Variants in OR1J2 observed in about 807,000 individuals in gnomAD.
The protein encoded by OR1J2 is olfactory receptor family 1 subfamily J member 2.
For synonymous variants in OR1J2, 142 were observed against 99.7 expected, an observed-to-expected ratio of 1.42 and a Z score of -2.52; for missense variants, 304 against 246.1, an observed-to-expected ratio of 1.24 and a Z score of -1.57.
chr9:122,519,193 C>G, the OR1J2 span: 1 of 1,613,668 alleles, frequency 6.2e-7, no homozygotes, highest in Non-Finnish European at 8.5e-7. Context: ...CTGGACCTCC[C>G]CATCTGGCCA....
the OR1J2 span, among the ~76,000 whole-genome samples, chr9:122,576,609 A>G: frequency 6.6e-6 from 1 of 152,100 alleles, no homozygotes; most frequent in African/African-American, 2.4e-5. Context: ...AATACTGTAT[A>G]TATCTTCACT....
At chr9:122,467,638 A>G in the OR1J2 span, among the ~76,000 whole-genome samples, 1 of 152,232 alleles carries the variant, frequency 6.6e-6, no homozygotes, top group Non-Finnish European at 1.5e-5. Flanking sequence ...GCTTAATATT[A>G]AACAGCCACT....
At chr9:122,568,501 A>G in the OR1J2 span, 1 of 1,410,732 alleles carries the variant, frequency 7.1e-7, no homozygotes, top group Non-Finnish European at 9.7e-7. Context: ...GTTATAAACA[A>G]GAAGTTTTGT....
chr9:122,470,904 CA>C, the OR1J2 span, among the ~76,000 whole-genome samples: 1 of 152,212 alleles, frequency 6.6e-6, no homozygotes, highest in African/African-American at 2.4e-5. Context: ...CAATTTCCCC[CA>C]TTTGGAATGG....
the OR1J2 span, among the ~76,000 whole-genome samples, chr9:122,449,545 A>G: frequency 4.0e-5 from 6 of 151,574 alleles, no homozygotes; most frequent in African/African-American, 1.2e-4. Context: ...AATTTTTTGT[A>G]TTTTTAGTAG....
At chr9:122,479,476 C>A in the OR1J2 span, among the ~76,000 whole-genome samples, 1 of 152,184 alleles carries the variant, frequency 6.6e-6, no homozygotes, top group African/African-American at 2.4e-5. Flanking sequence ...TGAAATATAT[C>A]AAAGGTACTG....
chr9:122,524,498 T>A, the OR1J2 span, among the ~76,000 whole-genome samples: 1 of 152,210 alleles, frequency 6.6e-6, no homozygotes, highest in Non-Finnish European at 1.5e-5. Flanking sequence ...CGTTGATGAA[T>A]CTTTGTATGC....
Position 122,511,014 on chromosome 9 carries a change from C to G in OR1J2, c.213C>G (p.Ile71Met). Residue 71 changes from isoleucine (I) to methionine (M), a missense_variant, in exon 1 of 1, where the codon ATC (isoleucine) becomes ATG (methionine). Ile to Met is a conservative substitution (Grantham distance 10, BLOSUM62 1). Transcript: ENST00000335302. ...TCAGCCACTTGGCTCTCACTGACATCTCCTTTTCATCTGTCACTGTCCCTA... is the reference window on the plus strand; with the variant it reads ...TCAGCCACTTGGCTCTCACTGACATGTCCTTTTCATCTGTCACTGTCCCTA... ...FFLSHLALTDISFSSVTVPKM... is the reference protein window; with the variant it reads ...FFLSHLALTDMSFSSVTVPKM... 1 of 1,597,078 alleles carries G rather than the reference C, an allele frequency of 6.3e-7. No homozygotes were observed. Among genetic ancestry groups the G allele is most frequent in the Non-Finnish European group, 8.6e-7 (1 of 1,165,604 alleles).
chr9:122,551,157 A>C, the OR1J2 span, among the ~76,000 whole-genome samples: 51 of 152,332 alleles, frequency 3.3e-4, no homozygotes, highest in African/African-American at 9.6e-4. Flanking sequence ...TCCCATTTAC[A>C]ATAGCTACAA....
the OR1J2 span, among the ~76,000 whole-genome samples, chr9:122,505,022 A>G: frequency 6.6e-6 from 1 of 152,194 alleles, no homozygotes; most frequent in Admixed American, 6.5e-5. Flanking sequence ...TTTGCCTAGA[A>G]TGCTGTTGGA....
At chr9:122,458,958 T>C in the OR1J2 span, among the ~76,000 whole-genome samples, 10 of 152,186 alleles carry the variant, frequency 6.6e-5, no homozygotes, top group African/African-American at 2.2e-4. Context: ...CATGCTTTAA[T>C]TTATCTGTCT....
the OR1J2 span, among the ~76,000 whole-genome samples, chr9:122,455,480 G>A: frequency 2.0e-5 from 3 of 152,010 alleles, no homozygotes. Flanking sequence ...TGTGCTTGTT[G>A]GCCATTTACA....
At chr9:122,541,161 G>A in the OR1J2 span, among the ~76,000 whole-genome samples, 2 of 152,108 alleles carry the variant, frequency 1.3e-5, no homozygotes, top group Non-Finnish European at 2.9e-5. Flanking sequence ...TGACTCCTAC[G>A]GAAATCATGT....
chr9:122,566,172 T>G, the OR1J2 span, among the ~76,000 whole-genome samples: 2 of 152,254 alleles, frequency 1.3e-5, no homozygotes, highest in African/African-American at 4.8e-5. Context: ...TATCAAATTG[T>G]CTACTAAAGT....
chr9:122,482,700 CA>C, the OR1J2 span, among the ~76,000 whole-genome samples: 1 of 152,152 alleles, frequency 6.6e-6, no homozygotes, highest in African/African-American at 2.4e-5. Context: ...ATAATCCTGT[CA>C]GTGTGGCAAC....
At chr9:122,481,682 T>C in the OR1J2 span, among the ~76,000 whole-genome samples, 1 of 152,146 alleles carries the variant, frequency 6.6e-6, no homozygotes, top group East Asian at 1.9e-4. Flanking sequence ...ATTTTAAAAA[T>C]ATACATGAAG....
At chr9:122,489,278 T>TG in the OR1J2 span, among the ~76,000 whole-genome samples, 10 of 143,632 alleles carry the variant, frequency 7.0e-5, no homozygotes, top group South Asian at 2.3e-3. Flanking sequence ...ATTCCATATA[T>TG]AAATATATAT....
the OR1J2 span, among the ~76,000 whole-genome samples, chr9:122,521,681 C>G: frequency 6.6e-6 from 1 of 152,170 alleles, no homozygotes; most frequent in Non-Finnish European, 1.5e-5. Context: ...CTAGGTAAAG[C>G]ATGCCTTGAT....
the OR1J2 span, among the ~76,000 whole-genome samples, chr9:122,561,440 C>T: frequency 6.8e-4 from 103 of 152,276 alleles, 1 homozygote; most frequent in Non-Finnish European, 1.2e-3. Context: ...GGATTTTCAG[C>T]GTTTTTTCGT....
Sources: gnomAD v4.1 joint callset for allele counts (sites outside exome capture counted in the v4.1 genomes callset) on GRCh38, gnomAD v4.1.1 for gene constraint, MANE v1.5 for transcripts, NCBI Gene and HGNC (gene_info 2026-07-23, HGNC 2026-07-21) for gene names.